TMEM74: variants seen among roughly 807,000 people sequenced by gnomAD.
TMEM74 encodes transmembrane protein 74.
A neutral mutation model predicts 18.1 loss-of-function variants in TMEM74; 13 were observed. That is an observed-to-expected ratio of 0.72 (90% CI 0.47 to 1.14). The LOEUF is 1.14. TMEM74 is among the 50% of genes most tolerant of loss of function. The pLI is 0.00. For synonymous variants in TMEM74, 159 were observed against 146.6 expected (o/e 1.08, Z -0.61); for missense variants, 372 against 375.9 (o/e 0.99, Z 0.09).
chr8:108,736,805 C>T (rs1416362768), intron 1 of TMEM74, among the ~76,000 whole-genome samples: 1 of 152,030 alleles, frequency 6.6e-6, no homozygotes, highest in African/African-American at 2.4e-5. Context: ...CACTAGTGGG[C>T]TGTATGAGTA....
chr8:108,674,249 AG>A (rs1813031648), intron 1 of TMEM74, among the ~76,000 whole-genome samples: 1 of 152,172 alleles, frequency 6.6e-6, no homozygotes, highest in Admixed American at 6.6e-5. Flanking sequence ...CATTAAACAT[AG>A]GGTATTGTTG....
At chr8:108,772,012 C>T (rs1292653361) in intron 1 of TMEM74, among the ~76,000 whole-genome samples, 1 of 151,918 alleles carries the variant, frequency 6.6e-6, no homozygotes, top group Non-Finnish European at 1.5e-5. Flanking sequence ...AAAAAAACTA[C>T]CATATTTTAA....
At chr8:108,727,129 A>AGAGGAG (rs1813646630) in intron 1 of TMEM74, among the ~76,000 whole-genome samples, 1 of 152,142 alleles carries the variant, frequency 6.6e-6, no homozygotes, top group South Asian at 2.1e-4. Context: ...CCAAGATAGG[A>AGAGGAG]GAGGAGAGAG....
intron 1 of TMEM74, among the ~76,000 whole-genome samples, chr8:108,717,176 A>T (rs1813534741): frequency 6.6e-6 from 1 of 152,130 alleles, no homozygotes; most frequent in South Asian, 2.1e-4. Context: ...TATCCTAAAT[A>T]ATTACAAGCA....
intron 1 of TMEM74, among the ~76,000 whole-genome samples, chr8:108,673,546 G>A (rs7840453): frequency 6.6e-6 from 1 of 152,190 alleles, no homozygotes. Flanking sequence ...CCAGCAGAGA[G>A]CATAGCCAGA....
intron 2 of TMEM74, among the ~76,000 whole-genome samples, chr8:108,615,160 C>G (rs1438361720): frequency 6.6e-6 from 1 of 152,122 alleles, no homozygotes; most frequent in South Asian, 2.1e-4. Flanking sequence ...CTTTCTATCC[C>G]AGGAGACGCT....
chr8:108,651,168 T>C (rs1478019728), intron 2 of TMEM74, among the ~76,000 whole-genome samples: 1 of 152,150 alleles, frequency 6.6e-6, no homozygotes, highest in Non-Finnish European at 1.5e-5. Flanking sequence ...GCAAGATCCA[T>C]AAAAATGGGA....
At chr8:108,718,515 A>G (rs1813552105) in intron 1 of TMEM74, among the ~76,000 whole-genome samples, 1 of 152,096 alleles carries the variant, frequency 6.6e-6, no homozygotes, top group African/African-American at 2.4e-5. Context: ...GGAAGAGCGC[A>G]GACTCCTCTT....
chr8:108,687,832 G>C (rs1231940736), intron 1 of TMEM74, among the ~76,000 whole-genome samples: 1 of 152,118 alleles, frequency 6.6e-6, no homozygotes, highest in Non-Finnish European at 1.5e-5. Context: ...TACAGATGAA[G>C]CTTTGCTCGC....
chr8:108,698,552 A>C (rs1813303466), intron 1 of TMEM74, among the ~76,000 whole-genome samples: 2 of 152,182 alleles, frequency 1.3e-5, no homozygotes, highest in Non-Finnish European at 2.9e-5. Flanking sequence ...GATTTCAATA[A>C]ATGCTAGCTG....
At chr8:108,658,738 A>G (rs1812870871) in intron 1 of TMEM74, among the ~76,000 whole-genome samples, 1 of 152,178 alleles carries the variant, frequency 6.6e-6, no homozygotes. Context: ...AAATCAAATA[A>G]TCTCTCTGAG....
At chr8:108,739,706 G>C (rs1813780647) in intron 1 of TMEM74, among the ~76,000 whole-genome samples, 1 of 152,078 alleles carries the variant, frequency 6.6e-6, no homozygotes, top group African/African-American at 2.4e-5. Flanking sequence ...GACTGGTCTG[G>C]AAGTCCAAGA....
intron 2 of TMEM74, among the ~76,000 whole-genome samples, chr8:108,626,991 T>C (rs1001974923): frequency 6.6e-6 from 1 of 152,016 alleles, no homozygotes; most frequent in Admixed American, 6.6e-5. Flanking sequence ...TGTGGAGACA[T>C]AAAAAAATCT....
chr8:108,697,220 G>C (rs1254569479), intron 1 of TMEM74, among the ~76,000 whole-genome samples: 1 of 152,030 alleles, frequency 6.6e-6, no homozygotes, highest in Non-Finnish European at 1.5e-5. Flanking sequence ...CTTGGTCTAG[G>C]GTTTTACTAG....
intron 1 of TMEM74, among the ~76,000 whole-genome samples, chr8:108,730,568 C>T (rs1813683287): frequency 6.6e-6 from 1 of 151,352 alleles, no homozygotes; most frequent in Non-Finnish European, 1.5e-5. Context: ...TATATTTATT[C>T]ACCTTTTATT....
intron 2 of TMEM74, among the ~76,000 whole-genome samples, chr8:108,619,765 CTGT>C (rs1240240814): frequency 6.6e-6 from 1 of 152,120 alleles, no homozygotes; most frequent in Non-Finnish European, 1.5e-5. Flanking sequence ...CACCATTTTG[CTGT>C]TGTTCAAAAC....
intron 2 of TMEM74, among the ~76,000 whole-genome samples, chr8:108,626,998 AT>A (rs1812500439): frequency 1.3e-5 from 2 of 152,072 alleles, no homozygotes; most frequent in Admixed American, 6.6e-5. Context: ...ACATAAAAAA[AT>A]CTTTAATATG....
intron 1 of TMEM74, among the ~76,000 whole-genome samples, chr8:108,701,144 T>C (rs1213355193): frequency 6.9e-6 from 1 of 144,448 alleles, no homozygotes; most frequent in Non-Finnish European, 1.5e-5. Flanking sequence ...AAATACGTAA[T>C]CACAATAAAT....
intron 2 of TMEM74, among the ~76,000 whole-genome samples, chr8:108,641,362 A>G (rs1586243915): frequency 6.6e-6 from 1 of 152,242 alleles, no homozygotes; most frequent in Non-Finnish European, 1.5e-5. Context: ...GTTCATTCTC[A>G]TTTTTCCTGT....
Sources: allele counts gnomAD v4.1 joint callset (sites outside exome capture counted in the v4.1 genomes callset), GRCh38; gene constraint gnomAD v4.1.1; transcripts MANE v1.5; gene names NCBI Gene and HGNC (gene_info 2026-07-23, HGNC 2026-07-21).